The following FOXJ3 variants were observed in gnomAD, a reference collection of about 807,000 sequenced individuals.
FOXJ3 encodes the protein forkhead box J3.
FOXJ3 carries 22 observed loss-of-function variants against 76.1 expected under a neutral mutation model. That is an observed-to-expected ratio of 0.29 (90% CI 0.21 to 0.41). The LOEUF is 0.41. Among genes scored for constraint, FOXJ3 ranks in the 10% least tolerant of loss-of-function variants. The pLI is 1.00. For missense variants in FOXJ3, 613 were observed against 762.1 expected (o/e 0.80, Z 2.30); for synonymous variants, 269 against 261.2 (o/e 1.03, Z -0.29).
intron 4 of FOXJ3, among the ~76,000 whole-genome samples, chr1:42,228,241 AT>A (rs1301867515): frequency 5.9e-5 from 9 of 152,164 alleles, no homozygotes; most frequent in African/African-American, 2.2e-4. Context: ...AACAAAACAC[AT>A]TTTTTATAGT....
chr1:42,184,406 A>C (rs1257241192), intron 11 of FOXJ3, among the ~76,000 whole-genome samples: 1 of 152,150 alleles, frequency 6.6e-6, no homozygotes, highest in Non-Finnish European at 1.5e-5. Flanking sequence ...AAAAGTCTTA[A>C]CTTTCTGTAA....
intron 5 of FOXJ3, among the ~76,000 whole-genome samples, chr1:42,222,037 A>G (rs1412762811): frequency 1.4e-4 from 4 of 29,280 alleles, no homozygotes; most frequent in African/African-American, 3.5e-4. Context: ...GGGGGAGGAG[A>G]AGGAGAAGGA....
intron 3 of FOXJ3, among the ~76,000 whole-genome samples, chr1:42,266,839 ACT>A (rs971990395): frequency 1.3e-5 from 2 of 152,090 alleles, no homozygotes; most frequent in African/African-American, 2.4e-5. Flanking sequence ...CACCCATAGG[ACT>A]CTGGCAAAGA....
intron 11 of FOXJ3, 35 bp from the exon 12 acceptor site, chr1:42,182,059 G>A (rs1159450131): frequency 8.3e-7 from 1 of 1,211,564 alleles, no homozygotes; most frequent in East Asian, 2.4e-5. Context: ...GGGAAAACAT[G>A]TTACCACAAA....
intron 6 of FOXJ3, among the ~76,000 whole-genome samples, chr1:42,201,518 C>G (rs189857407): frequency 2.0e-5 from 3 of 152,294 alleles, no homozygotes; most frequent in Admixed American, 6.5e-5. Context: ...CAACTATGAA[C>G]AGAAGAACAA....
chr1:42,305,679 G>C (rs1195237330), intron 2 of FOXJ3, among the ~76,000 whole-genome samples: 1 of 152,206 alleles, frequency 6.6e-6, no homozygotes, highest in Non-Finnish European at 1.5e-5. Context: ...CTCGGAGATA[G>C]AGAGTAGAAG....
Position 42,199,729 on chromosome 1 carries a change from TCTAA to T in FOXJ3, c.631-503_631-500del, listed in dbSNP as rs148723845. 4.1e-3 allele frequency among the ~76,000 whole-genome samples: 630 copies of T among 151,906 alleles called. 3 individuals are homozygous for T. The highest frequency in any genetic ancestry group is 0.014 in the African/African-American group (587 of 41,494). On this transcript the variant is annotated intron_variant, in intron 6 of 12. Transcript: ENST00000361346. The stretch of plus-strand genomic sequence containing the variant: ...CATTTATAAAATCATAATTATATGA[TCTAA>T]CTTTTAAAAAATAATATGCTAATAT...
At position 42,176,919 on chromosome 1, in the gene FOXJ3, G is replaced by A. The variant is rs1472102512; in HGVS notation, c.*2791C>T. On this transcript the variant is annotated 3_prime_UTR_variant, in exon 13 of 13. Coordinates refer to ENST00000361346, the MANE Select transcript of FOXJ3 (RefSeq NM_014947.5). ...ACTTCAAAGGACATCTGAGCGACAC[G>A]TATTTACAAGAACACACATGAATAC... 4.6e-5 allele frequency: 7 copies of A among 152,718 alleles called. No individual in the cohort carries two copies. The highest frequency in any genetic ancestry group is 2.1e-4 in the South Asian group (1 of 4,826). 9.5% of individuals were successfully genotyped at this position (152,718 alleles called of 1,614,324 possible). A position where few individuals can be genotyped will look rare whatever the true frequency, so the allele number is the denominator to read the frequency against.
At chr1:42,308,033 A>AT (rs1430385049) in intron 2 of FOXJ3, among the ~76,000 whole-genome samples, 5 of 151,996 alleles carry the variant, frequency 3.3e-5, no homozygotes, top group African/African-American at 4.8e-5. Flanking sequence ...TAACCAACAA[A>AT]TTTTTTATAC....
At chr1:42,205,343 C>T (rs932664088) in intron 6 of FOXJ3, among the ~76,000 whole-genome samples, 1 of 152,094 alleles carries the variant, frequency 6.6e-6, no homozygotes, top group African/African-American at 2.4e-5. Context: ...GACCACCATC[C>T]CAGTGAACTC....
chr1:42,325,676 C>T (rs1419762613), intron 1 of FOXJ3, among the ~76,000 whole-genome samples: 1 of 152,184 alleles, frequency 6.6e-6, no homozygotes, highest in African/African-American at 2.4e-5. Flanking sequence ...TAAGTAGATC[C>T]TTAAGTTAGT....
chr1:42,315,669 C>G lies in FOXJ3; in HGVS notation c.-17-4559G>C, dbSNP rs1037507801. On this transcript the variant is annotated intron_variant, in intron 1 of 12. Transcript: ENST00000361346. ...TATATCAGTCTTCTCCCTACCCAGG[C>G]AACTGAACAGCAACAGGGAAATCTC... 6.8e-4 allele frequency among the ~76,000 whole-genome samples: 103 copies of G among 152,190 alleles called. 1 individual carries two copies. Among genetic ancestry groups the G allele is most frequent in the Non-Finnish European group, 1.2e-4 (8 of 68,030 alleles).
chr1:42,192,246 A>G (rs1009280078), intron 8 of FOXJ3, among the ~76,000 whole-genome samples: 2 of 152,196 alleles, frequency 1.3e-5, no homozygotes, highest in African/African-American at 4.8e-5. Flanking sequence ...AAGACAAAGG[A>G]AAAGAGGAAG....
intron 12 of FOXJ3, among the ~76,000 whole-genome samples, chr1:42,180,660 T>C (rs1646300692): frequency 1.3e-5 from 2 of 152,208 alleles, no homozygotes; most frequent in Non-Finnish European, 2.9e-5. Flanking sequence ...TATTTTCTTG[T>C]ACAATTATTT....
chr1:42,262,968 C>T (rs1380588165), intron 4 of FOXJ3, among the ~76,000 whole-genome samples: 2 of 152,180 alleles, frequency 1.3e-5, no homozygotes, highest in African/African-American at 4.8e-5. Context: ...TTATTATGAC[C>T]AAAATCAATA....
intron 11 of FOXJ3, among the ~76,000 whole-genome samples, chr1:42,187,841 GT>G (rs1182314896): frequency 3.9e-5 from 6 of 152,158 alleles, no homozygotes; most frequent in Non-Finnish European, 8.8e-5. Flanking sequence ...TTCAGGCAAG[GT>G]AAGCTATTCA....
chr1:42,265,004 G>T, intron 4 of FOXJ3, 111 bp downstream of exon 4: 1 of 783,638 alleles, frequency 1.3e-6, no homozygotes, highest in Non-Finnish European at 2.3e-6. Flanking sequence ...GGGTGGGGGA[G>T]GACTTACTAT....
chr1:42,300,612 C>T (rs35011283), intron 2 of FOXJ3, among the ~76,000 whole-genome samples: 9,344 of 152,026 alleles, frequency 0.061, 385 homozygotes, highest in Non-Finnish European at 0.094. Flanking sequence ...CTTGTCTCTA[C>T]AAAAAACACA....
At chr1:42,237,494 G>A (rs1303370649) in intron 4 of FOXJ3, among the ~76,000 whole-genome samples, 2 of 144,874 alleles carry the variant, frequency 1.4e-5, no homozygotes, top group Non-Finnish European at 3.0e-5. Context: ...ATATATATGG[G>A]CTATTTCTGT....
Sources: gnomAD v4.1 joint callset for allele counts (sites outside exome capture counted in the v4.1 genomes callset) on GRCh38, gnomAD v4.1.1 for gene constraint, MANE v1.5 for transcripts, NCBI Gene and HGNC (gene_info 2026-07-23, HGNC 2026-07-21) for gene names.